Variants in TULP4 observed in about 807,000 individuals in gnomAD.
The protein encoded by TULP4 is tubby-related protein 4.
TULP4 carries 16 observed loss-of-function variants against 129.0 expected under a neutral mutation model. The observed-to-expected ratio is 0.12, with a 90% CI of 0.08 to 0.19. The LOEUF is 0.19. Ranked by LOEUF, TULP4 falls within the 10% of genes least tolerant of loss-of-function variation. The pLI is 1.00. For synonymous variants in TULP4, 998 were observed against 854.0 expected (o/e 1.17, Z -2.94); for missense variants, 1,842 against 2,059.1 (o/e 0.89, Z 2.04).
intron 1 of TULP4, among the ~76,000 whole-genome samples, chr6:158,331,366 T>G (rs1327099428): frequency 1.3e-5 from 2 of 152,130 alleles, no homozygotes; most frequent in Non-Finnish European, 2.9e-5. Flanking sequence ...CACTTTTTTC[T>G]TCAATGATTA....
chr6:158,288,495 A>G (rs946323621), intron 1 of TULP4, among the ~76,000 whole-genome samples: 15 of 149,524 alleles, frequency 1.0e-4, no homozygotes, highest in Admixed American at 6.9e-5. Context: ...TAAAAAAAAA[A>G]TGAGTGTTGA....
chr6:158,479,637 C>T lies in TULP4; in HGVS notation c.1027-114C>T, dbSNP rs370234380. ...AACATTCTCTACTGTGCTTTTAAAA[C>T]CAGTATTCTCAAAACAGCTTATTTT... is the stretch of plus-strand genomic sequence containing the variant. On this transcript the variant is annotated intron_variant, in intron 6 of 13. Transcript: ENST00000367097. 16 of 943,030 alleles carry T rather than the reference C, an allele frequency of 1.7e-5. 1 individual carries two copies. The African/African-American group carries it at 1.8e-4, about 11-fold the overall frequency. 58.4% of individuals were successfully genotyped at this position (943,030 alleles called of 1,614,324 possible). A position where few individuals can be genotyped will look rare whatever the true frequency, so the allele number is the denominator to read the frequency against.
intron 10 of TULP4, among the ~76,000 whole-genome samples, chr6:158,494,387 A>G (rs554106017): frequency 6.6e-6 from 1 of 152,348 alleles, no homozygotes; most frequent in Non-Finnish European, 1.5e-5. Context: ...GAGAAAACAA[A>G]TGATGGGTAG....
Position 158,481,070 on chromosome 6 carries a change from C to A in TULP4, c.1267C>A (p.Pro423Thr), listed in dbSNP as rs1032398309. The change falls in exon 8 of 14, where the codon CCG becomes ACG. Residue 423 changes from proline (P) to threonine (T), a missense_variant. Transcript: ENST00000367097. ...IPTIKPPIPD[P>T]NNMRDFVSYP... ...TATCCTCCAGCCCCCAATTCCAGAT[C>A]CGAACAACATGAGAGACTTTGTCAG... 1.3e-6 allele frequency: 2 copies of A among 1,572,230 alleles called. No individual in the cohort carries two copies. Among genetic ancestry groups the A allele is most frequent in the Non-Finnish European group, 1.7e-6 (2 of 1,155,386 alleles).
intron 1 of TULP4, chr6:158,398,670 C>T (rs1406571293): frequency 6.6e-6 from 1 of 152,202 alleles, no homozygotes; most frequent in Non-Finnish European, 1.5e-5. Flanking sequence ...GAGACAGCAG[C>T]TTAGTATAAT....
At chr6:158,326,097 T>G (rs1386211470) in intron 1 of TULP4, among the ~76,000 whole-genome samples, 8 of 152,192 alleles carry the variant, frequency 5.3e-5, no homozygotes, top group Non-Finnish European at 1.2e-4. Flanking sequence ...ATCACAAATA[T>G]TGGTTATTAT....
Position 158,461,547 on chromosome 6 carries a change from C to T in TULP4, c.860-16C>T. On this transcript the variant is annotated splice_polypyrimidine_tract_variant and intron_variant, in intron 5 of 13. Coordinates refer to ENST00000367097, the MANE Select transcript of TULP4 (RefSeq NM_020245.5). ...AGGGCTGTGTCCTTGTGCTGACCCT[C>T]TCTCCTCTGTTTCAGAGGTGGTAGC... 4.3e-6 allele frequency: 7 copies of T among 1,610,686 alleles called. No individual in the cohort carries two copies. The highest frequency in any genetic ancestry group is 5.9e-6 in the Non-Finnish European group (7 of 1,178,566).
intron 6 of TULP4, among the ~76,000 whole-genome samples, chr6:158,470,174 C>T (rs1321636057): frequency 1.3e-5 from 2 of 152,238 alleles, no homozygotes; most frequent in East Asian, 1.9e-4. Context: ...ATGGGCACCT[C>T]GCTGGATCAG....
intron 1 of TULP4, among the ~76,000 whole-genome samples, chr6:158,239,405 C>T (rs1370244092): frequency 3.0e-4 from 15 of 50,436 alleles, no homozygotes; most frequent in East Asian, 7.4e-4. Context: ...GCTGGCCGGG[C>T]GGGGGGCTGA....
At position 158,366,106 on chromosome 6, in the gene TULP4, T is replaced by G. The variant is rs367994915; in HGVS notation, c.253-46959T>G. Among the ~76,000 whole-genome samples, 41 of 151,968 alleles carry G rather than the reference T, an allele frequency of 2.7e-4. No homozygotes were observed. The East Asian group carries it at 4.9e-3, about 18-fold the overall frequency. ...TTTTAGTAGAAACGGGGTTTCACCA[T>G]GTTAGCCAGGATGGTCTCGATCTCC... On this transcript the variant is annotated intron_variant, in intron 1 of 13. Coordinates refer to ENST00000367097, the MANE Select transcript of TULP4 (RefSeq NM_020245.5).
chr6:158,302,192 G>A (rs1053729450), intron 1 of TULP4, among the ~76,000 whole-genome samples: 3 of 152,198 alleles, frequency 2.0e-5, no homozygotes, highest in East Asian at 1.9e-4. Context: ...CATAAAGCTG[G>A]CAGATGGTAG....
At chr6:158,344,728 A>G (rs1220164646) in intron 1 of TULP4, among the ~76,000 whole-genome samples, 1 of 152,196 alleles carries the variant, frequency 6.6e-6, no homozygotes, top group Non-Finnish European at 1.5e-5. Flanking sequence ...AAATTATGCC[A>G]GTGAATAACC....
rs778976967 is a variant in TULP4, at chr6:158,506,964, A to G, written c.*270A>G. On this transcript the variant is annotated 3_prime_UTR_variant, in exon 14 of 14. Transcript: ENST00000367097. ...AGTGCTAGGCACCTGCTGTTCTTTC[A>G]GGAAACAGCTTGGCTGTGGTAATGC... 1.1e-5 allele frequency: 5 copies of G among 451,268 alleles called. No homozygotes were observed. The highest frequency in any genetic ancestry group is 2.0e-5 in the African/African-American group (1 of 50,184). The allele number at this position is 451,268 out of a possible 1,614,324, so 28.0% of individuals were successfully genotyped here.
At chr6:158,341,246 T>TG in intron 1 of TULP4, among the ~76,000 whole-genome samples, 1 of 152,296 alleles carries the variant, frequency 6.6e-6, no homozygotes, top group East Asian at 1.9e-4. Flanking sequence ...GTTCCATCCA[T>TG]GTTGTTGTAA....
chr6:158,510,161 G>A lies in TULP4; in HGVS notation c.*3467G>A, dbSNP rs1780705197. ...AATATACCCATTGAATGTATATCCT[G>A]AGAAAAATTGGGGCCAAAGAAGCAG... On this transcript the variant is annotated 3_prime_UTR_variant, in exon 14 of 14. Transcript: ENST00000367097. 6.6e-6 allele frequency: 1 copy of A among 152,588 alleles called. No individual in the cohort carries two copies. The highest frequency in any genetic ancestry group is 2.4e-5 in the African/African-American group (1 of 41,434). The allele number at this position is 152,588 out of a possible 1,614,324, so 9.5% of individuals were successfully genotyped here.
At chr6:158,468,946 C>A (rs1447612670) in intron 6 of TULP4, among the ~76,000 whole-genome samples, 1 of 152,182 alleles carries the variant, frequency 6.6e-6, no homozygotes, top group Non-Finnish European at 1.5e-5. Context: ...CCAAAGGCCC[C>A]ACCTAATACC....
At chr6:158,382,642 A>G (rs993119371) in intron 1 of TULP4, among the ~76,000 whole-genome samples, 3 of 152,182 alleles carry the variant, frequency 2.0e-5, no homozygotes, top group African/African-American at 7.2e-5. Context: ...TGATTAATAG[A>G]TAAGGTTGAC....
intron 3 of TULP4, among the ~76,000 whole-genome samples, chr6:158,430,580 T>TAA (rs1035411782): frequency 4.7e-5 from 7 of 148,650 alleles, no homozygotes; most frequent in African/African-American, 9.8e-5. Flanking sequence ...CTGTCTCTAC[T>TAA]AAAAAAAAAA....
In TULP4 at chr6:158,313,092, G is replaced by T; in HGVS notation, c.-925G>T. ...AGCAAAAGAAACAAAATCTTGCCAC[G>T]TGGCTCTGTTTTGTCAGCAAGAGGA... On this transcript the variant is annotated 5_prime_UTR_variant, in exon 1 of 14. Transcript: ENST00000367097. 1 of 176,092 alleles carries T rather than the reference G, an allele frequency of 5.7e-6. No individual in the cohort carries two copies. 10.9% of individuals were successfully genotyped at this position (176,092 alleles called of 1,614,324 possible). A position where few individuals can be genotyped will look rare whatever the true frequency, so the allele number is the denominator to read the frequency against.
Sources: allele counts gnomAD v4.1 joint callset (sites outside exome capture counted in the v4.1 genomes callset), GRCh38; gene constraint gnomAD v4.1.1; transcripts MANE v1.5; gene names NCBI Gene and HGNC (gene_info 2026-07-23, HGNC 2026-07-21).